The following CALN1 variants were observed in gnomAD, a reference collection of about 807,000 sequenced individuals.
CALN1 encodes the protein calcium-binding protein 8.
CALN1 carries 17 observed loss-of-function variants against 30.6 expected under a neutral mutation model. The ratio of observed to expected loss-of-function variants is 0.56; its 90% CI spans 0.38 to 0.83. CALN1 has a LOEUF of 0.83. CALN1 is among the 40% of genes least tolerant of loss of function. The pLI is 0.00. For synonymous variants in CALN1, 156 were observed against 131.4 expected, an observed-to-expected ratio of 1.19 and a Z score of -1.28; for missense variants, 291 against 354.9, an observed-to-expected ratio of 0.82 and a Z score of 1.45.
At chr7:72,220,310 C>T (rs372910245) in intron 3 of CALN1, among the ~76,000 whole-genome samples, 4 of 150,668 alleles carry the variant, frequency 2.7e-5, no homozygotes, top group East Asian at 2.0e-4. Flanking sequence ...TTTGTCCTTG[C>T]GATAGTTTGC....
At chr7:72,359,393 C>T (rs942506935) in intron 2 of CALN1, among the ~76,000 whole-genome samples, 1 of 152,168 alleles carries the variant, frequency 6.6e-6, no homozygotes, top group African/African-American at 2.4e-5. Flanking sequence ...AACTTTCTTG[C>T]GTTTCTTTCC....
At chr7:72,180,085 G>T (rs2129546024) in intron 3 of CALN1, among the ~76,000 whole-genome samples, 1 of 152,266 alleles carries the variant, frequency 6.6e-6, no homozygotes, top group African/African-American at 2.4e-5. Flanking sequence ...TCAAGTCATT[G>T]ACTTGTCGCA....
intron 5 of CALN1, among the ~76,000 whole-genome samples, chr7:71,877,970 C>T (rs577743972): frequency 2.6e-5 from 4 of 152,244 alleles, no homozygotes; most frequent in African/African-American, 7.2e-5. Context: ...TGTTAAAACA[C>T]GGAAGACCAG....
At chr7:72,336,911 C>G in intron 2 of CALN1, 1 of 984,800 alleles carries the variant, frequency 1.0e-6, no homozygotes, top group Non-Finnish European at 1.2e-6. Flanking sequence ...GCCCCCGGGC[C>G]GCTCCCCACG....
In CALN1 at chr7:72,377,915, G is replaced by A. The variant is rs113399019; in HGVS notation, c.119+25336C>T. ...CATACTCACAGCTCTGGGAATGAGT[G>A]TTAACTTCTAAATTCCCAGGAATAT... On this transcript the variant is annotated intron_variant, in intron 2 of 6. Coordinates refer to ENST00000395275, the MANE Select transcript of CALN1 (RefSeq NM_031468.4). 3.6e-3 allele frequency among the ~76,000 whole-genome samples: 549 copies of A among 152,240 alleles called. 4 individuals carry two copies. Among genetic ancestry groups the A allele is most frequent in the Middle Eastern group, 0.017 (5 of 294 alleles).
rs1473202659 is a variant in CALN1, at chr7:72,412,337, T to TC, written c.-354dup. 1 of 151,826 alleles carries TC rather than the reference T, an allele frequency of 6.6e-6. No homozygotes were observed. Among genetic ancestry groups the TC allele is most frequent in the South Asian group, 2.1e-4 (1 of 4,790 alleles). 9.4% of individuals were successfully genotyped at this position (151,826 alleles called of 1,614,324 possible). On this transcript the variant is annotated 5_prime_UTR_variant, in exon 1 of 7. Transcript: ENST00000395275. ...CAAGCGGATAGCACCCCAGCGAGCT[T>TC]CCCCAGCGGGCTCGGGGAGCCAGCT...
intron 4 of CALN1, among the ~76,000 whole-genome samples, chr7:72,092,445 C>G (rs1357327659): frequency 6.6e-6 from 1 of 151,858 alleles, no homozygotes; most frequent in Admixed American, 6.6e-5. Flanking sequence ...CACACACACC[C>G]ACACACACAT....
chr7:72,396,914 A>T (rs571020790), intron 2 of CALN1, among the ~76,000 whole-genome samples: 1 of 152,102 alleles, frequency 6.6e-6, no homozygotes, highest in East Asian at 1.9e-4. Flanking sequence ...TAGTAAAAGT[A>T]GTAGTAGAAC....
chr7:72,492,533 G>GGCCT, the CALN1 span, among the ~76,000 whole-genome samples: 41,579 of 152,008 alleles, frequency 0.27, 5,922 homozygotes, highest in Non-Finnish European at 0.31. Flanking sequence ...TTGGAAGCAA[G>GGCCT]GCCTTGCCAC....
intron 3 of CALN1, among the ~76,000 whole-genome samples, chr7:72,148,360 G>A (rs1786938290): frequency 6.7e-6 from 1 of 148,496 alleles, no homozygotes; most frequent in Admixed American, 6.8e-5. Context: ...TTGAGCCCAG[G>A]AATTCGAGGC....
At chr7:72,043,199 T>C (rs1353014585) in intron 4 of CALN1, among the ~76,000 whole-genome samples, 1 of 152,142 alleles carries the variant, frequency 6.6e-6, no homozygotes, top group Non-Finnish European at 1.5e-5. Flanking sequence ...TTCTCTTGCT[T>C]CTGTTCATGG....
At chr7:71,933,970 C>T (rs943300274) in intron 5 of CALN1, among the ~76,000 whole-genome samples, 6 of 152,220 alleles carry the variant, frequency 3.9e-5, no homozygotes, top group African/African-American at 9.6e-5. Flanking sequence ...AATGTATGTA[C>T]GTGCAAAGGA....
At chr7:72,137,512 A>G (rs2129543207) in intron 3 of CALN1, among the ~76,000 whole-genome samples, 1 of 152,364 alleles carries the variant, frequency 6.6e-6, no homozygotes, top group Non-Finnish European at 1.5e-5. Flanking sequence ...GCCCAACCAC[A>G]GGGTTGCCAC....
chr7:71,889,364 C>G (rs761395287), intron 5 of CALN1, among the ~76,000 whole-genome samples: 2 of 152,014 alleles, frequency 1.3e-5, no homozygotes, highest in Non-Finnish European at 2.9e-5. Context: ...AATAAATACT[C>G]CAGTACATGC....
intron 3 of CALN1, among the ~76,000 whole-genome samples, chr7:72,164,194 C>T (rs1435273397): frequency 2.0e-5 from 3 of 151,816 alleles, no homozygotes; most frequent in Admixed American, 6.6e-5. Context: ...ATGGCTAAAC[C>T]TCATCTCTAC....
At chr7:71,872,735 T>G (rs1277871434) in intron 5 of CALN1, among the ~76,000 whole-genome samples, 1 of 151,792 alleles carries the variant, frequency 6.6e-6, no homozygotes, top group Non-Finnish European at 1.5e-5. Context: ...TACCTCAGCC[T>G]CCTGAGGAGC....
At chr7:71,798,615 C>CT (rs34161533) in intron 6 of CALN1, among the ~76,000 whole-genome samples, 31,742 of 114,800 alleles carry the variant, frequency 0.28, 6,541 homozygotes, top group East Asian at 0.9. Context: ...TGGTAAGAGT[C>CT]TTTTTTTTTT....
intron 5 of CALN1, among the ~76,000 whole-genome samples, chr7:71,812,941 T>C (rs1300200214): frequency 4.8e-5 from 7 of 146,804 alleles, no homozygotes; most frequent in Admixed American, 2.7e-4. Flanking sequence ...TTATTATTAT[T>C]ATTATTATTA....
chr7:71,943,717 C>G (rs1328011142), intron 5 of CALN1, among the ~76,000 whole-genome samples: 1 of 152,130 alleles, frequency 6.6e-6, no homozygotes, highest in Admixed American at 6.6e-5. Flanking sequence ...GTTGGGATTA[C>G]AGGAGTGAGC....
Sources: allele counts gnomAD v4.1 joint callset (sites outside exome capture counted in the v4.1 genomes callset), GRCh38; gene constraint gnomAD v4.1.1; transcripts MANE v1.5; gene names NCBI Gene and HGNC (gene_info 2026-07-23, HGNC 2026-07-21).